Variants in UNC13C observed in about 807,000 individuals in gnomAD.
UNC13C encodes the protein protein unc-13 homolog C.
Under a neutral mutation model 245.4 loss-of-function variants are expected in UNC13C, and 174 were observed. The ratio of observed to expected loss-of-function variants is 0.71; its 90% CI spans 0.63 to 0.80. The LOEUF (loss-of-function observed/expected upper bound fraction) is 0.80, where lower values mean the gene tolerates loss of function less well. Among genes scored for constraint, UNC13C ranks in the 30% least tolerant of loss-of-function variants. The pLI is 0.00. For missense variants in UNC13C, 2,829 were observed against 2,602.9 expected (o/e 1.09, Z -1.89); for synonymous variants, 992 against 895.1 (o/e 1.11, Z -1.93).
chr15:54,515,453 T>C (rs1894927616), intron 24 of UNC13C, among the ~76,000 whole-genome samples: 1 of 152,224 alleles, frequency 6.6e-6, no homozygotes, highest in South Asian at 2.1e-4. Flanking sequence ...ACTTAGCTTG[T>C]ATTCATTTTG....
intron 25 of UNC13C, among the ~76,000 whole-genome samples, chr15:54,529,853 T>C (rs1282477485): frequency 2.0e-5 from 3 of 152,120 alleles, no homozygotes; most frequent in African/African-American, 7.2e-5. Flanking sequence ...AAGTAGTTTT[T>C]CTTGCCTGCC....
chr15:53,990,306 A>T (rs1271058541), intron 1 of UNC13C, among the ~76,000 whole-genome samples: 1 of 151,992 alleles, frequency 6.6e-6, no homozygotes, highest in Non-Finnish European at 1.5e-5. Flanking sequence ...TGAAGAAGAG[A>T]TTATGAGTGA....
chr15:54,590,175 T>C (rs1023658047), intron 30 of UNC13C, among the ~76,000 whole-genome samples: 21 of 152,236 alleles, frequency 1.4e-4, no homozygotes, highest in African/African-American at 4.8e-4. Flanking sequence ...AGTACCACTC[T>C]GTTTTGGTGA....
At chr15:54,473,175 G>A (rs985920992) in intron 19 of UNC13C, among the ~76,000 whole-genome samples, 1 of 151,264 alleles carries the variant, frequency 6.6e-6, no homozygotes, top group Non-Finnish European at 1.5e-5. Context: ...GTATGCATTA[G>A]ATGTTTGTTG....
chr15:54,481,469 G>C (rs750152979), intron 19 of UNC13C, among the ~76,000 whole-genome samples: 1 of 152,176 alleles, frequency 6.6e-6, no homozygotes, highest in African/African-American at 2.4e-5. Context: ...CTGATCTTCA[G>C]GGTCTTGGAA....
the UNC13C span, among the ~76,000 whole-genome samples, chr15:53,967,487 A>G: frequency 2.6e-5 from 4 of 151,794 alleles, no homozygotes; most frequent in African/African-American, 4.8e-5. Context: ...GCTTTCTTCT[A>G]TTTCCTCTCA....
intron 30 of UNC13C, among the ~76,000 whole-genome samples, chr15:54,601,527 G>A (rs1033675633): frequency 3.9e-5 from 6 of 152,190 alleles, no homozygotes; most frequent in Admixed American, 2.6e-4. Flanking sequence ...GCAAAGTGGT[G>A]TAGAAATTGT....
At chr15:54,583,251 A>C (rs1898289786) in intron 30 of UNC13C, among the ~76,000 whole-genome samples, 1 of 152,212 alleles carries the variant, frequency 6.6e-6, no homozygotes, top group African/African-American at 2.4e-5. Context: ...CTCTAGATAA[A>C]AGAAACACTC....
chr15:54,369,560 G>T (rs977502810), intron 17 of UNC13C, among the ~76,000 whole-genome samples: 6 of 152,054 alleles, frequency 3.9e-5, no homozygotes, highest in Non-Finnish European at 1.5e-5. Context: ...ATTCCAGTTA[G>T]ATACTATCTG....
intron 5 of UNC13C, among the ~76,000 whole-genome samples, chr15:54,235,619 G>A (rs1187675240): frequency 2.6e-5 from 4 of 152,120 alleles, no homozygotes; most frequent in African/African-American, 9.7e-5. Context: ...TTGGGAGGCC[G>A]AGGCGGGCGG....
chr15:53,878,928 A>G, the UNC13C span, among the ~76,000 whole-genome samples: 1 of 152,182 alleles, frequency 6.6e-6, no homozygotes, highest in Non-Finnish European at 1.5e-5. Context: ...GCAATATTAT[A>G]TTATGAGCTC....
intron 11 of UNC13C, among the ~76,000 whole-genome samples, chr15:54,295,338 A>G (rs527847326): frequency 1.3e-5 from 2 of 152,248 alleles, no homozygotes; most frequent in African/African-American, 2.4e-5. Flanking sequence ...AATTTCTCCA[A>G]TGTATTCTTT....
intron 10 of UNC13C, among the ~76,000 whole-genome samples, chr15:54,271,586 C>G (rs1317144266): frequency 3.9e-5 from 6 of 152,132 alleles, no homozygotes; most frequent in African/African-American, 1.2e-4. Context: ...TCTCTGAGGA[C>G]TCTATAGTTG....
intron 4 of UNC13C, among the ~76,000 whole-genome samples, chr15:54,207,190 A>T (rs1338602201): frequency 6.6e-6 from 1 of 151,800 alleles, no homozygotes; most frequent in African/African-American, 2.4e-5. Context: ...TCCGAACAAA[A>T]CTCATGTTGA....
the UNC13C span, among the ~76,000 whole-genome samples, chr15:53,928,920 C>A: frequency 6.6e-6 from 1 of 152,164 alleles, no homozygotes; most frequent in South Asian, 2.1e-4. Flanking sequence ...GCCTTGAAGA[C>A]AGTGGTGATG....
rs113095423 is a variant in UNC13C at position 54,434,740 on chromosome 15, T to C, written c.4933+19673T>C. 3.3e-3 allele frequency among the ~76,000 whole-genome samples: 503 copies of C among 152,126 alleles called. 1 individual carries two copies. Among genetic ancestry groups the C allele is most frequent in the African/African-American group, 0.012 (483 of 41,554 alleles). On this transcript the variant is annotated intron_variant, in intron 19 of 32. Coordinates refer to ENST00000260323, the MANE Select transcript of UNC13C (RefSeq NM_001080534.3). ...AAAGCCAAAATTGACAAATGGGATC[T>C]AATTAAACTAAAGAGCTTCTGCACA...
the UNC13C span, among the ~76,000 whole-genome samples, chr15:53,882,991 G>A: frequency 1.1e-4 from 17 of 151,920 alleles, no homozygotes; most frequent in Admixed American, 7.2e-4. Flanking sequence ...ACAACCACCC[G>A]TATGACACAC....
chr15:54,088,969 C>T (rs1023269236), intron 2 of UNC13C, among the ~76,000 whole-genome samples: 18 of 152,200 alleles, frequency 1.2e-4, no homozygotes, highest in African/African-American at 3.4e-4. Flanking sequence ...GGGGAACATC[C>T]ACATGAAGTT....
At chr15:54,040,723 A>G (rs779555932) in intron 2 of UNC13C, among the ~76,000 whole-genome samples, 1 of 152,158 alleles carries the variant, frequency 6.6e-6, no homozygotes, top group Non-Finnish European at 1.5e-5. Context: ...GTTTGCAGTA[A>G]ACTGTCTTCA....
Sources: allele counts gnomAD v4.1 joint callset (sites outside exome capture counted in the v4.1 genomes callset), GRCh38; gene constraint gnomAD v4.1.1; transcripts MANE v1.5; gene names NCBI Gene and HGNC (gene_info 2026-07-23, HGNC 2026-07-21).